The following SLAMF6 variants were observed in gnomAD, a reference collection of about 807,000 sequenced individuals.
The protein encoded by SLAMF6 is NK-T-B-antigen.
In SLAMF6, 21 loss-of-function variants were observed where a neutral mutation model predicts 38.3. The ratio of observed to expected loss-of-function variants is 0.55; its 90% CI spans 0.39 to 0.79. The LOEUF (loss-of-function observed/expected upper bound fraction) is 0.79, where lower values mean the gene tolerates loss of function less well. Among genes scored for constraint, SLAMF6 ranks in the 30% least tolerant of loss-of-function variants. The pLI is 0.00. For synonymous variants in SLAMF6, 152 were observed against 146.3 expected (o/e 1.04, Z -0.28); for missense variants, 341 against 385.3 (o/e 0.89, Z 0.96).
At chr1:160,499,975 C>T (rs1056796213) in intron 1 of SLAMF6, among the ~76,000 whole-genome samples, 2 of 152,172 alleles carry the variant, frequency 1.3e-5, no homozygotes, top group Non-Finnish European at 2.9e-5. Context: ...GTCCAGATAC[C>T]AGAGAATACA....
At chr1:160,504,017 C>CA (rs10648306) in intron 1 of SLAMF6, among the ~76,000 whole-genome samples, 19,944 of 86,642 alleles carry the variant, frequency 0.23, 3,537 homozygotes, top group African/African-American at 0.45. Flanking sequence ...GACTCTATCT[C>CA]AAAAAAAAAA....
chr1:160,490,744 G>T, intron 3 of SLAMF6, 59 bp from the exon 4 acceptor site: 1 of 1,588,132 alleles, frequency 6.3e-7, no homozygotes, highest in Non-Finnish European at 8.6e-7. Flanking sequence ...CACTGTTCTT[G>T]GAGCCTCCGT....
In SLAMF6 at chr1:160,494,602, C is replaced by A. The variant is rs139513713; in HGVS notation, c.382+1459G>T. Reference sequence around the variant, plus strand: ...CATTATCCAGTATAACCTGGATAGTCCCCAAACCCAATGACAAATGTTCCC... The same window carrying A: ...CATTATCCAGTATAACCTGGATAGTACCCAAACCCAATGACAAATGTTCCC... On this transcript the variant is annotated intron_variant, in intron 2 of 7. Transcript: ENST00000368057. Among the ~76,000 whole-genome samples the A allele has an allele frequency of 9.2e-5, 14 of 152,232 alleles. No homozygotes were observed. The East Asian group carries it at 1.9e-3, about 21-fold the overall frequency.
At chr1:160,499,978 A>C (rs1294564820) in intron 1 of SLAMF6, among the ~76,000 whole-genome samples, 1 of 152,252 alleles carries the variant, frequency 6.6e-6, no homozygotes, top group Non-Finnish European at 1.5e-5. Context: ...CAGATACCAG[A>C]GAATACAAAT....
At chr1:160,509,047 A>G (rs143351635) in intron 1 of SLAMF6, among the ~76,000 whole-genome samples, 3,687 of 152,252 alleles carry the variant, frequency 0.024, 78 homozygotes, top group African/African-American at 0.056. Context: ...CACTTTTACA[A>G]TGTTGGTGGG....
intron 1 of SLAMF6, among the ~76,000 whole-genome samples, chr1:160,497,873 A>G (rs557641557): frequency 2.6e-5 from 4 of 152,092 alleles, no homozygotes; most frequent in South Asian, 2.1e-4. Flanking sequence ...TCTTTATCCA[A>G]TCCATCATTG....
In SLAMF6 at chr1:160,523,236, A is replaced by G; in HGVS notation, c.-44T>C. 2.5e-6 allele frequency: 4 copies of G among 1,604,874 alleles called. No individual in the cohort carries two copies. Among genetic ancestry groups the G allele is most frequent in the East Asian group, 2.3e-5 (1 of 44,184 alleles). On this transcript the variant is annotated 5_prime_UTR_variant, in exon 1 of 8. Transcript: ENST00000368057. ...TGGTGCTTGAGACCTTGAGGCAGTC[A>G]ATGTTTTTGCCCTTCTGTCATAAAC...
intron 1 of SLAMF6, among the ~76,000 whole-genome samples, chr1:160,503,209 G>A (rs959417387): frequency 6.6e-6 from 1 of 152,170 alleles, no homozygotes; most frequent in African/African-American, 2.4e-5. Context: ...TCTAAGAGAA[G>A]TAGATCTCAT....
At chr1:160,511,861 G>C (rs1654489761) in intron 1 of SLAMF6, among the ~76,000 whole-genome samples, 1 of 152,172 alleles carries the variant, frequency 6.6e-6, no homozygotes, top group Non-Finnish European at 1.5e-5. Context: ...CACAGGGAGT[G>C]AGGAAAACAG....
At chr1:160,508,261 C>G (rs975909778) in intron 1 of SLAMF6, among the ~76,000 whole-genome samples, 2 of 151,992 alleles carry the variant, frequency 1.3e-5, no homozygotes, top group African/African-American at 2.4e-5. Context: ...TCAAAATATA[C>G]TACAAGGCTA....
intron 5 of SLAMF6, among the ~76,000 whole-genome samples, chr1:160,489,658 A>G (rs150093794): frequency 0.018 from 2,723 of 152,288 alleles, 24 homozygotes; most frequent in Middle Eastern, 0.048. Context: ...ACAGCAACTC[A>G]AATGCACGTC....
chr1:160,488,812 T>A (rs749303743), intron 6 of SLAMF6, among the ~76,000 whole-genome samples: 1 of 152,224 alleles, frequency 6.6e-6, no homozygotes, highest in Non-Finnish European at 1.5e-5. Context: ...TAATTTGTAC[T>A]TTCAGTCAGC....
At chr1:160,514,589 G>T (rs1183715185) in intron 1 of SLAMF6, among the ~76,000 whole-genome samples, 1 of 152,022 alleles carries the variant, frequency 6.6e-6, no homozygotes, top group Non-Finnish European at 1.5e-5. Flanking sequence ...CTCTAAAATT[G>T]ATCACATAAT....
intron 1 of SLAMF6, among the ~76,000 whole-genome samples, chr1:160,516,113 T>A (rs879471372): frequency 5.3e-5 from 8 of 152,162 alleles, no homozygotes; most frequent in Non-Finnish European, 1.0e-4. Context: ...CCCCATCATC[T>A]CAGCCCAAAA....
chr1:160,489,207 A>C, intron 5 of SLAMF6, 37 bp from the exon 6 acceptor site: 4 of 1,608,712 alleles, frequency 2.5e-6, no homozygotes, highest in Non-Finnish European at 3.4e-6. Context: ...TGGCACAAGG[A>C]CTCTGGGACT....
Position 160,486,220 on chromosome 1 carries a change from C to CTGAAACA in SLAMF6, c.*480_*486dup, listed in dbSNP as rs1206348814. On this transcript the variant is annotated 3_prime_UTR_variant, in exon 8 of 8. Coordinates refer to ENST00000368057, the MANE Select transcript of SLAMF6 (RefSeq NM_001184714.2). ...CCAAAATCTGAAAAAAAATTGAAAT[C>CTGAAACA]TGAAACATTTCTAATCCCAAGCATT... 1 of 152,820 alleles carries CTGAAACA rather than the reference C, an allele frequency of 6.5e-6. No homozygotes were observed. Among genetic ancestry groups the CTGAAACA allele is most frequent in the Non-Finnish European group, 1.5e-5 (1 of 68,260 alleles). The allele number at this position is 152,820 out of a possible 1,614,324, so 9.5% of individuals were successfully genotyped here.
At position 160,490,573 on chromosome 1, in the gene SLAMF6, G is replaced by A; in HGVS notation, c.757+2C>T. 5 of 1,612,160 alleles carry A rather than the reference G, an allele frequency of 3.1e-6. No homozygotes were observed. The highest frequency in any genetic ancestry group is 4.2e-6 in the Non-Finnish European group (5 of 1,179,504). On this transcript the variant is annotated splice_donor_variant, in intron 4 of 7. Transcript: ENST00000368057. LOFTEE classifies it low-confidence loss of function (GC_TO_GT_DONOR). ...AGACAAGTAGGAAGAAAGGAAACCT[G>A]CCTCTTCTTTTCCTCAAAACAAGTA...
intron 6 of SLAMF6, among the ~76,000 whole-genome samples, chr1:160,488,624 C>T (rs1411053682): frequency 6.6e-6 from 1 of 152,062 alleles, no homozygotes; most frequent in East Asian, 1.9e-4. Flanking sequence ...GTGCCCCCTT[C>T]CCCTCTTGAG....
intron 1 of SLAMF6, among the ~76,000 whole-genome samples, chr1:160,512,702 C>G (rs1654545047): frequency 6.6e-6 from 1 of 152,094 alleles, no homozygotes; most frequent in South Asian, 2.1e-4. Context: ...GTGACACCAC[C>G]AGGGTGGGGA....
Sources: allele counts gnomAD v4.1 joint callset (sites outside exome capture counted in the v4.1 genomes callset), GRCh38; gene constraint gnomAD v4.1.1; transcripts MANE v1.5; gene names NCBI Gene and HGNC (gene_info 2026-07-23, HGNC 2026-07-21).